NRXN1: variants seen among roughly 807,000 people sequenced by gnomAD.
NRXN1 encodes neurexin-1.
Under a neutral mutation model 150.9 loss-of-function variants are expected in NRXN1, and 39 were observed. The ratio of observed to expected loss-of-function variants is 0.26; its 90% confidence interval spans 0.20 to 0.34. NRXN1 has a LOEUF of 0.34. NRXN1 is among the 10% of genes least tolerant of loss of function. The pLI, the probability that NRXN1 is intolerant of heterozygous loss-of-function variation, is 1.00. For synonymous variants in NRXN1, 924 were observed against 757.0 expected (o/e 1.22, Z -3.62); for missense variants, 1,815 against 1,949.9 (o/e 0.93, Z 1.30).
At chr2:49,929,616 CAA>C (rs949968221) in intron 22 of NRXN1, among the ~76,000 whole-genome samples, 4 of 152,098 alleles carry the variant, frequency 2.6e-5, no homozygotes, top group Non-Finnish European at 5.9e-5. Context: ...CCTCACATAC[CAA>C]AAAGAGTTCA....
At chr2:50,358,625 C>G (rs943736878) in intron 17 of NRXN1, among the ~76,000 whole-genome samples, 1 of 152,252 alleles carries the variant, frequency 6.6e-6, no homozygotes. Flanking sequence ...GGATAGAACA[C>G]ATGGGGGAAG....
At chr2:50,617,904 T>C (rs770975449) in intron 8 of NRXN1, among the ~76,000 whole-genome samples, 1 of 152,242 alleles carries the variant, frequency 6.6e-6, no homozygotes, top group East Asian at 1.9e-4. Flanking sequence ...TACAGTTTTA[T>C]ACACACACAG....
chr2:50,767,060 T>C (rs1702464700), intron 5 of NRXN1, among the ~76,000 whole-genome samples: 1 of 151,976 alleles, frequency 6.6e-6, no homozygotes, highest in African/African-American at 2.4e-5. Context: ...GGCAAATAAG[T>C]CAGTTAATTA....
chr2:50,432,489 A>G (rs894523662), intron 17 of NRXN1, among the ~76,000 whole-genome samples: 2 of 152,192 alleles, frequency 1.3e-5, no homozygotes. Context: ...TGCCTAAAGA[A>G]TAACTTCTAT....
intron 8 of NRXN1, 150 bp downstream of exon 8, chr2:50,619,872 C>T (rs1402901932): frequency 6.5e-6 from 4 of 612,652 alleles, no homozygotes; most frequent in East Asian, 3.1e-5. Context: ...TTTCCCTCCC[C>T]CAATCCTACA....
intron 18 of NRXN1, among the ~76,000 whole-genome samples, chr2:50,160,562 T>C (rs2059304179): frequency 6.6e-6 from 1 of 151,968 alleles, no homozygotes; most frequent in Non-Finnish European, 1.5e-5. Flanking sequence ...AATGGCTTTC[T>C]GTTACAAAAA....
chr2:50,347,288 G>C lies in NRXN1; in HGVS notation c.3365-110318C>G. On this transcript the variant is annotated intron_variant, in intron 17 of 22. Coordinates refer to ENST00000401669, the MANE Select transcript of NRXN1 (RefSeq NM_001330078.2). This position sits in a 1 kb window ranked among gnomAD's most constrained non-coding sequence, Gnocchi z 4.9. Reference sequence around the variant, plus strand: ...TCGAGAGATACTCCCAAAGAGTTTCGGGCGAGAGTGCGTGCCGGCGGGTGG... The same window carrying C: ...TCGAGAGATACTCCCAAAGAGTTTCCGGCGAGAGTGCGTGCCGGCGGGTGG... 1.6e-6 allele frequency: 2 copies of C among 1,288,434 alleles called. No individual in the cohort carries two copies. Among genetic ancestry groups the C allele is most frequent in the Non-Finnish European group, 2.0e-6 (2 of 991,276 alleles). 79.8% of individuals were successfully genotyped at this position (1,288,434 alleles called of 1,614,324 possible). A position where few individuals can be genotyped will look rare whatever the true frequency, so the allele number is the denominator to read the frequency against.
At chr2:50,083,405 T>TA (rs990920628) in intron 19 of NRXN1, among the ~76,000 whole-genome samples, 19 of 151,940 alleles carry the variant, frequency 1.3e-4, no homozygotes, top group African/African-American at 4.4e-4. Flanking sequence ...TAACAGAAAA[T>TA]AAAAAAATGC....
chr2:50,467,501 G>T (rs985474424), intron 16 of NRXN1, among the ~76,000 whole-genome samples: 1 of 151,436 alleles, frequency 6.6e-6, no homozygotes, highest in Non-Finnish European at 1.5e-5. Context: ...ATAAATAGAT[G>T]ATTTTGAAAA....
In NRXN1 at chr2:50,161,505, T is replaced by C. The variant is rs903766763; in HGVS notation, c.3547-70011A>G. On this transcript the variant is annotated intron_variant, in intron 18 of 22. Coordinates refer to ENST00000401669, the MANE Select transcript of NRXN1 (RefSeq NM_001330078.2). ...ATACTTCTTGGGTAAGGGGCATCCT[T>C]ACTCCTGTTAAGATGATCTTACTAA... 4.6e-5 allele frequency among the ~76,000 whole-genome samples: 7 copies of C among 152,298 alleles called. No homozygotes were observed. The East Asian group carries it at 1.4e-3, about 29-fold the overall frequency.
chr2:49,968,043 T>C (rs1442107321), intron 21 of NRXN1, among the ~76,000 whole-genome samples: 1 of 151,882 alleles, frequency 6.6e-6, no homozygotes, highest in Non-Finnish European at 1.5e-5. Context: ...ATGGTTTACA[T>C]AATTATTATT....
intron 16 of NRXN1, among the ~76,000 whole-genome samples, chr2:50,466,191 G>A (rs1445175761): frequency 6.6e-6 from 1 of 151,598 alleles, no homozygotes; most frequent in African/African-American, 2.4e-5. Context: ...TATTTCTAAA[G>A]AATCATAACT....
chr2:50,995,761 TCTTGG>T (rs1267622718), intron 2 of NRXN1, among the ~76,000 whole-genome samples: 15 of 152,150 alleles, frequency 9.9e-5, no homozygotes, highest in African/African-American at 3.1e-4. Context: ...TGGAGACAAG[TCTTGG>T]CTTTACGCCG....
intron 21 of NRXN1, among the ~76,000 whole-genome samples, chr2:50,015,038 G>A (rs546606929): frequency 6.6e-6 from 1 of 152,034 alleles, no homozygotes; most frequent in African/African-American, 2.4e-5. Context: ...AGATTTTGTT[G>A]TATCTAACCT....
intron 2 of NRXN1, among the ~76,000 whole-genome samples, 186 bp downstream of exon 2, chr2:51,027,316 G>T (rs1369843324): frequency 6.6e-6 from 1 of 152,202 alleles, no homozygotes; most frequent in African/African-American, 2.4e-5. Flanking sequence ...CCAATCCTTA[G>T]GAGGATGTCA....
At chr2:50,060,092 T>C (rs1376235885) in intron 19 of NRXN1, among the ~76,000 whole-genome samples, 1 of 152,010 alleles carries the variant, frequency 6.6e-6, no homozygotes, top group Non-Finnish European at 1.5e-5. Context: ...ACCATGCACC[T>C]GGAAAAGCCA....
intron 5 of NRXN1, among the ~76,000 whole-genome samples, chr2:50,914,537 T>C (rs1434518832): frequency 6.6e-6 from 1 of 151,626 alleles, no homozygotes; most frequent in Non-Finnish European, 1.5e-5. Flanking sequence ...ATTAGAAAAA[T>C]GTGAAAAGAA....
chr2:50,472,549 A>C, intron 15 of NRXN1, 78 bp from the exon 16 acceptor site: 1 of 1,128,162 alleles, frequency 8.9e-7, no homozygotes, highest in Non-Finnish European at 1.3e-6. Flanking sequence ...GAGAAAAAAC[A>C]GGGAGGTTTA....
intron 15 of NRXN1, among the ~76,000 whole-genome samples, chr2:50,489,087 A>G (rs1167194950): frequency 5.3e-5 from 8 of 152,218 alleles, no homozygotes; most frequent in Non-Finnish European, 1.2e-4. Context: ...TCAGCTTATC[A>G]TGAAAGGCAT....
Sources: allele counts gnomAD v4.1 joint callset (sites outside exome capture counted in the v4.1 genomes callset), GRCh38; gene constraint gnomAD v4.1.1; non-coding constraint Gnocchi (gnomAD v3.1); transcripts MANE v1.5; gene names NCBI Gene and HGNC (gene_info 2026-07-23, HGNC 2026-07-21).